CAMK1D: variants seen among roughly 807,000 people sequenced by gnomAD.
CAMK1D encodes the protein calcium/calmodulin-dependent protein kinase type 1D.
Under a neutral mutation model 47.7 loss-of-function variants are expected in CAMK1D, and 9 were observed. The observed-to-expected ratio is 0.19, with a 90% CI of 0.11 to 0.33. The LOEUF (loss-of-function observed/expected upper bound fraction) is 0.33. Among genes scored for constraint, CAMK1D ranks in the 10% least tolerant of loss-of-function variants. CAMK1D has a pLI of 1.00. For synonymous variants in CAMK1D, 184 were observed against 184.9 expected (o/e 0.99, Z 0.04); for missense variants, 291 against 488.7 (o/e 0.60, Z 3.81).
intron 3 of CAMK1D, among the ~76,000 whole-genome samples, chr10:12,745,167 A>G (rs1452024234): frequency 2.0e-5 from 3 of 152,180 alleles, no homozygotes; most frequent in African/African-American, 7.2e-5. Flanking sequence ...AGTAGCTGGG[A>G]CTACAGGCAC....
chr10:12,668,072 G>A (rs766830195), intron 3 of CAMK1D, among the ~76,000 whole-genome samples: 11 of 152,216 alleles, frequency 7.2e-5, no homozygotes, highest in Non-Finnish European at 1.2e-4. Context: ...ATGTTAACTC[G>A]AGTTACCTTT....
rs1022114536 is a variant in CAMK1D at position 12,784,789 on chromosome 10, G to A, written c.566-6369G>A. On this transcript the variant is annotated intron_variant, in intron 5 of 10. Coordinates refer to ENST00000619168, the MANE Select transcript of CAMK1D (RefSeq NM_153498.4). ...AGCAAAGTTGACTTGTAGCCCAGTC[G>A]TGTGGAATTTGGAAGACATTTTTCC... Among the ~76,000 whole-genome samples the A allele has an allele frequency of 3.3e-5, 5 of 152,182 alleles. No individual in the cohort carries two copies. In the East Asian group the frequency reaches 5.8e-4, roughly 18 times the overall value.
At chr10:12,410,437 G>A (rs1299627465) in intron 1 of CAMK1D, among the ~76,000 whole-genome samples, 1 of 152,130 alleles carries the variant, frequency 6.6e-6, no homozygotes, top group Non-Finnish European at 1.5e-5. Context: ...ACCTCCTGAA[G>A]GTGTTGACAG....
chr10:12,671,268 A>G (rs1182703184), intron 3 of CAMK1D, among the ~76,000 whole-genome samples: 1 of 152,036 alleles, frequency 6.6e-6, no homozygotes, highest in African/African-American at 2.4e-5. Flanking sequence ...ATTTTCATGT[A>G]CAGCTTCTTT....
At chr10:12,378,793 ATTTCTT>A (rs1296418651) in intron 1 of CAMK1D, among the ~76,000 whole-genome samples, 2 of 143,720 alleles carry the variant, frequency 1.4e-5, no homozygotes, top group Admixed American at 7.5e-5. Flanking sequence ...GTGAGCATGC[ATTTCTT>A]TTTCTTTTTC....
At chr10:12,568,112 C>T in intron 2 of CAMK1D, among the ~76,000 whole-genome samples, 1 of 43,242 alleles carries the variant, frequency 2.3e-5, no homozygotes, top group African/African-American at 1.0e-4. Flanking sequence ...TGCTTTCCTG[C>T]CTTCCTGCCC....
chr10:12,616,954 G>A (rs543316592), intron 2 of CAMK1D, among the ~76,000 whole-genome samples: 2 of 152,312 alleles, frequency 1.3e-5, no homozygotes, highest in African/African-American at 4.8e-5. Context: ...TGAAGTGTTT[G>A]GGGTGTAGGG....
At chr10:12,772,696 C>T (rs1564550375) in intron 5 of CAMK1D, among the ~76,000 whole-genome samples, 1 of 152,136 alleles carries the variant, frequency 6.6e-6, no homozygotes, top group Non-Finnish European at 1.5e-5. Context: ...TAAATGGCAG[C>T]CAGTGGGAGC....
chr10:12,747,730 A>G (rs559722354), intron 3 of CAMK1D, among the ~76,000 whole-genome samples: 1 of 152,316 alleles, frequency 6.6e-6, no homozygotes, highest in Admixed American at 6.5e-5. Context: ...AGCTGATTGT[A>G]TGAGTTTCAG....
At chr10:12,804,469 C>T (rs1838625881) in intron 6 of CAMK1D, among the ~76,000 whole-genome samples, 2 of 151,858 alleles carry the variant, frequency 1.3e-5, no homozygotes, top group African/African-American at 4.8e-5. Context: ...CAAAAATTAG[C>T]CAGGCGTGGT....
At chr10:12,416,405 T>C (rs747279006) in intron 1 of CAMK1D, among the ~76,000 whole-genome samples, 1 of 152,218 alleles carries the variant, frequency 6.6e-6, no homozygotes, top group Non-Finnish European at 1.5e-5. Flanking sequence ...TTTCCTGTCT[T>C]GATTGCTTGC....
At chr10:12,514,873 C>G (rs1835143113) in intron 1 of CAMK1D, among the ~76,000 whole-genome samples, 1 of 147,864 alleles carries the variant, frequency 6.8e-6, no homozygotes, top group South Asian at 2.2e-4. Flanking sequence ...ATTTTTGAGA[C>G]CAAGTCTCAC....
chr10:12,708,110 A>G (rs1450642561), intron 3 of CAMK1D, among the ~76,000 whole-genome samples: 1 of 152,138 alleles, frequency 6.6e-6, no homozygotes, highest in Non-Finnish European at 1.5e-5. Context: ...TCTACAACAC[A>G]ATACATTTTA....
chr10:12,353,664 C>T (rs1837414907), intron 1 of CAMK1D, among the ~76,000 whole-genome samples: 1 of 152,126 alleles, frequency 6.6e-6, no homozygotes, highest in African/African-American at 2.4e-5. Flanking sequence ...TGAGTCAGGT[C>T]TCAGGGACAA....
At chr10:12,485,837 C>T (rs868187174) in intron 1 of CAMK1D, among the ~76,000 whole-genome samples, 2 of 152,116 alleles carry the variant, frequency 1.3e-5, no homozygotes, top group African/African-American at 4.8e-5. Context: ...ACCTGATAGC[C>T]CTGTGAGTAT....
At chr10:12,793,738 C>T (rs1588936091) in intron 6 of CAMK1D, among the ~76,000 whole-genome samples, 1 of 152,216 alleles carries the variant, frequency 6.6e-6, no homozygotes, top group South Asian at 2.1e-4. Flanking sequence ...TCATGGTTGG[C>T]CAAGTGGAGC....
intron 3 of CAMK1D, among the ~76,000 whole-genome samples, chr10:12,726,301 G>A (rs1417460767): frequency 6.6e-6 from 1 of 151,988 alleles, no homozygotes; most frequent in East Asian, 2.0e-4. Flanking sequence ...GCACGCACCT[G>A]TAGTCCCAGC....
At chr10:12,548,917 G>T (rs918867263) in intron 1 of CAMK1D, among the ~76,000 whole-genome samples, 1 of 151,370 alleles carries the variant, frequency 6.6e-6, no homozygotes, top group East Asian at 1.9e-4. Flanking sequence ...GTGCATAGGC[G>T]CGATCTCAGC....
chr10:12,435,270 G>A lies in CAMK1D; in HGVS notation c.92+85360G>A, dbSNP rs146501220. Among the ~76,000 whole-genome samples the A allele has an allele frequency of 3.9e-3, 592 of 150,984 alleles. 6 individuals are homozygous for A. Among genetic ancestry groups the A allele is most frequent in the African/African-American group, 0.014 (569 of 41,104 alleles). ...AAGAAAAGGTGATGGGGAGCAGGAGGCCAATTGCAGTCCCTGAACAAGAAG... is the reference window on the plus strand; with the variant it reads ...AAGAAAAGGTGATGGGGAGCAGGAGACCAATTGCAGTCCCTGAACAAGAAG... On this transcript the variant is annotated intron_variant, in intron 1 of 10. Transcript: ENST00000619168.
Sources: allele counts gnomAD v4.1 joint callset (sites outside exome capture counted in the v4.1 genomes callset), GRCh38; gene constraint gnomAD v4.1.1; transcripts MANE v1.5; gene names NCBI Gene and HGNC (gene_info 2026-07-23, HGNC 2026-07-21).